Variants in KIAA1671 observed in about 807,000 individuals in gnomAD.
The protein encoded by KIAA1671 is KIAA1671, also known as uncharacterized protein KIAA1671.
A neutral mutation model predicts 131.2 loss-of-function variants in KIAA1671; 52 were observed. The observed-to-expected ratio is 0.40, with a 90% CI of 0.32 to 0.50. The LOEUF (loss-of-function observed/expected upper bound fraction) is 0.50, where lower values mean the gene tolerates loss of function less well. KIAA1671 is among the 20% of genes least tolerant of loss of function. The pLI is 0.73. For synonymous variants in KIAA1671, 1,003 were observed against 961.6 expected (o/e 1.04, Z -0.80); for missense variants, 2,360 against 2,364.2 (o/e 1.00, Z 0.04).
intron 1 of KIAA1671, chr22:25,012,587 CAA>C (rs932495072): frequency 6.6e-6 from 1 of 152,074 alleles, no homozygotes; most frequent in Non-Finnish European, 1.5e-5. Flanking sequence ...TTCCCCTTCT[CAA>C]AAGTTAAATA....
At chr22:25,070,190 G>A (rs187458521) in intron 6 of KIAA1671, 10 of 391,598 alleles carry the variant, frequency 2.6e-5, no homozygotes, top group African/African-American at 1.9e-4. Flanking sequence ...AGTTCCCCAG[G>A]CAGCCGTGGC....
At chr22:24,954,510 G>T (rs2123788394) in intron 1 of KIAA1671, among the ~76,000 whole-genome samples, 1 of 152,308 alleles carries the variant, frequency 6.6e-6, no homozygotes, top group South Asian at 2.1e-4. Context: ...ATACATTTCA[G>T]CTGGGCACAT....
At chr22:25,104,336 G>A (rs890600996) in intron 6 of KIAA1671, among the ~76,000 whole-genome samples, 1 of 152,124 alleles carries the variant, frequency 6.6e-6, no homozygotes, top group African/African-American at 2.4e-5. Context: ...GCACAGTCCT[G>A]GAATGTCCAA....
At chr22:25,118,264 C>T (rs1164557720) in intron 6 of KIAA1671, among the ~76,000 whole-genome samples, 1 of 152,074 alleles carries the variant, frequency 6.6e-6, no homozygotes, top group Non-Finnish European at 1.5e-5. Context: ...GTGGCCACAT[C>T]ACCCCAATCT....
intron 6 of KIAA1671, among the ~76,000 whole-genome samples, chr22:25,157,829 T>A (rs539885060): frequency 2.4e-4 from 36 of 152,164 alleles, no homozygotes; most frequent in Admixed American, 9.8e-4. Flanking sequence ...CTTTTTATTT[T>A]TTTTTTTATT....
At chr22:25,065,647 ATT>A (rs796321980) in intron 6 of KIAA1671, among the ~76,000 whole-genome samples, 2 of 148,294 alleles carry the variant, frequency 1.3e-5, no homozygotes, top group African/African-American at 2.5e-5. Flanking sequence ...TATTATTATT[ATT>A]TTTTTTTTTT....
In KIAA1671 at chr22:25,028,932, G is replaced by C; in HGVS notation, c.933G>C (p.Gly311=). ...VADEGSGPTA[G]DMAGLERPRA... ...ATGAAGGAAGTGGACCCACAGCAGG[G>C]GATATGGCTGGGCTAGAGAGGCCCA... The change falls in exon 3 of 13, where the codon GGG becomes GGC. Residue 311 remains glycine (G), a synonymous_variant. Coordinates refer to ENST00000358431, the MANE Select transcript of KIAA1671 (RefSeq NM_001145206.2). 3.2e-6 allele frequency: 5 copies of C among 1,551,534 alleles called. No homozygotes were observed. Among genetic ancestry groups the C allele is most frequent in the Non-Finnish European group, 4.4e-6 (5 of 1,146,946 alleles).
At chr22:25,035,486 C>T (rs1444476717) in intron 4 of KIAA1671, among the ~76,000 whole-genome samples, 1 of 152,090 alleles carries the variant, frequency 6.6e-6, no homozygotes, top group African/African-American at 2.4e-5. Context: ...AAGCTTGTAC[C>T]CATCTCAGTA....
chr22:24,980,625 G>A lies in KIAA1671; in HGVS notation c.-208+27853G>A, dbSNP rs962504316. 3.9e-5 allele frequency among the ~76,000 whole-genome samples: 6 copies of A among 152,106 alleles called. No individual in the cohort carries two copies. In the East Asian group the frequency reaches 9.7e-4, roughly 25 times the overall value. On this transcript the variant is annotated intron_variant, in intron 1 of 12. Coordinates refer to ENST00000358431, the MANE Select transcript of KIAA1671 (RefSeq NM_001145206.2). ...AATTGCTGGATGACATGCTAATCCTGTTTTTAACGTTTTAAGAAACAACCA... is the reference window on the plus strand; with the variant it reads ...AATTGCTGGATGACATGCTAATCCTATTTTTAACGTTTTAAGAAACAACCA...
In KIAA1671 at chr22:25,014,314, G is replaced by A. The variant is rs1200324463; in HGVS notation, c.-207-11319G>A. The A allele has an allele frequency of 2.6e-5, 4 of 152,156 alleles. No individual in the cohort carries two copies. The East Asian group carries it at 7.7e-4, about 29-fold the overall frequency. 9.4% of individuals were successfully genotyped at this position (152,156 alleles called of 1,614,324 possible). A position where few individuals can be genotyped will look rare whatever the true frequency, so the allele number is the denominator to read the frequency against. The stretch of plus-strand genomic sequence containing the variant: ...CAAAAAACAAATTTCTAAATAGGAT[G>A]CATGATCTGATTCCATTTTAATTTT... On this transcript the variant is annotated intron_variant, in intron 1 of 12. Transcript: ENST00000358431.
chr22:25,185,058 C>G lies in KIAA1671; in HGVS notation c.5281C>G (p.Pro1761Ala), dbSNP rs1934426681. ...WAPQPKSPKS[P>A]FQPGVLGSRV... The stretch of plus-strand genomic sequence containing the variant: ...ACCCCAACCCAAGAGCCCCAAGTCC[C>G]CCTTCCAGCCTGGGGTGCTGGGCAG... The change falls in exon 11 of 13, where the codon CCC (proline) becomes GCC (alanine). Residue 1761 changes from proline to alanine, a missense_variant. By Grantham distance (27) the Pro-to-Ala change is conservative. This residue lies in a region of KIAA1671 where 1,161 missense variants were observed against 1,204.7 expected (regional missense o/e 0.96). Transcript: ENST00000358431. 6.4e-7 allele frequency: 1 copy of G among 1,551,554 alleles called. No individual in the cohort carries two copies. Among genetic ancestry groups the G allele is most frequent in the Admixed American group, 2.0e-5 (1 of 50,984 alleles).
At chr22:25,130,057 G>A (rs1031201646) in intron 6 of KIAA1671, among the ~76,000 whole-genome samples, 4 of 152,068 alleles carry the variant, frequency 2.6e-5, no homozygotes, top group Non-Finnish European at 5.9e-5. Context: ...CCTGGGCAAC[G>A]GAGTGAGATG....
At chr22:25,001,318 C>G (rs1261205493) in intron 1 of KIAA1671, among the ~76,000 whole-genome samples, 1 of 151,984 alleles carries the variant, frequency 6.6e-6, no homozygotes, top group Non-Finnish European at 1.5e-5. Context: ...TAATTCCAGT[C>G]TATGATTTGC....
chr22:25,165,715 A>T (rs973435347), intron 6 of KIAA1671, among the ~76,000 whole-genome samples: 12 of 152,232 alleles, frequency 7.9e-5, no homozygotes, highest in Admixed American at 4.6e-4. Context: ...CTCCTGAGCC[A>T]GCCCTCAGGG....
intron 1 of KIAA1671, among the ~76,000 whole-genome samples, chr22:24,997,492 C>G (rs1602055147): frequency 6.6e-6 from 1 of 151,964 alleles, no homozygotes; most frequent in African/African-American, 2.4e-5. Flanking sequence ...ATGTCGATGT[C>G]CGGGATAAGT....
chr22:25,191,709 T>C (rs1437115613), intron 12 of KIAA1671, among the ~76,000 whole-genome samples: 2 of 152,062 alleles, frequency 1.3e-5, no homozygotes, highest in Non-Finnish European at 2.9e-5. Flanking sequence ...TTCTCCTCAG[T>C]ATAGGAGCTC....
intron 6 of KIAA1671, among the ~76,000 whole-genome samples, chr22:25,142,999 A>T (rs1451030254): frequency 6.6e-6 from 1 of 152,254 alleles, no homozygotes; most frequent in Non-Finnish European, 1.5e-5. Flanking sequence ...AGAGCTCTCC[A>T]GTGTGAGGAC....
intron 1 of KIAA1671, among the ~76,000 whole-genome samples, chr22:24,974,298 T>A (rs777404835): frequency 2.6e-5 from 4 of 152,086 alleles, no homozygotes; most frequent in Non-Finnish European, 5.9e-5. Context: ...GTGTGTGATG[T>A]GATGATGGTG....
chr22:25,054,646 C>T (rs1175441063), intron 6 of KIAA1671: 3 of 149,884 alleles, frequency 2.0e-5, no homozygotes, highest in East Asian at 2.0e-4. Context: ...TTCAGGTATC[C>T]GGAAGCTCCC....
Sources: gnomAD v4.1 joint callset for allele counts (sites outside exome capture counted in the v4.1 genomes callset) on GRCh38, gnomAD v4.1.1 for gene constraint, gnomAD v4.1.1 regional missense constraint, MANE v1.5 for transcripts, NCBI Gene and HGNC (gene_info 2026-07-23, HGNC 2026-07-21) for gene names.